Variants in MOB3B observed in about 807,000 individuals in gnomAD.
MOB3B encodes MOB kinase activator-like 2B.
Under a neutral mutation model 18.7 loss-of-function variants are expected in MOB3B, and 7 were observed. That is an observed-to-expected ratio of 0.37 (90% CI 0.21 to 0.70). The LOEUF (loss-of-function observed/expected upper bound fraction) is 0.70, where lower values mean the gene tolerates loss of function less well. Ranked by LOEUF, MOB3B falls within the 30% of genes least tolerant of loss-of-function variation. The pLI, the probability that MOB3B is intolerant of heterozygous loss-of-function variation, is 0.52. For synonymous variants in MOB3B, 111 were observed against 99.9 expected, an observed-to-expected ratio of 1.11 and a Z score of -0.66; for missense variants, 253 against 281.3, an observed-to-expected ratio of 0.90 and a Z score of 0.72.
In MOB3B at chr9:27,390,178, C is replaced by T. The variant is rs149690043; in HGVS notation, c.419-30942G>A. Among the ~76,000 whole-genome samples, 255 of 152,208 alleles carry T rather than the reference C, an allele frequency of 1.7e-3. 1 individual carries two copies. Among genetic ancestry groups the T allele is most frequent in the African/African-American group, 5.8e-3 (242 of 41,520 alleles). On this transcript the variant is annotated intron_variant, in intron 2 of 3. Transcript: ENST00000262244. The stretch of plus-strand genomic sequence containing the variant: ...CAGCAACCTCCGCCTACCTCCGCCT[C>T]CCAAGTTCAAGCGTTTCTCTTGCCT...
chr9:27,456,098 C>T (rs1049922327), intron 1 of MOB3B, among the ~76,000 whole-genome samples: 10 of 152,158 alleles, frequency 6.6e-5, no homozygotes, highest in African/African-American at 1.2e-4. Context: ...TAGAGCCCCA[C>T]CCCCCAACAA....
intron 2 of MOB3B, among the ~76,000 whole-genome samples, chr9:27,361,784 T>A (rs1420363746): frequency 6.6e-6 from 1 of 152,170 alleles, no homozygotes; most frequent in Admixed American, 6.5e-5. Flanking sequence ...GACTCCAAAG[T>A]CCACGAGCAC....
intron 1 of MOB3B, among the ~76,000 whole-genome samples, chr9:27,491,051 G>T (rs1819809515): frequency 6.6e-6 from 1 of 151,484 alleles, no homozygotes. Context: ...GATAATAATT[G>T]CAACAAACGG....
chr9:27,480,134 A>G (rs905503302), intron 1 of MOB3B, among the ~76,000 whole-genome samples: 1 of 150,608 alleles, frequency 6.6e-6, no homozygotes, highest in Non-Finnish European at 1.5e-5. Flanking sequence ...AGGAAATGGG[A>G]GAGAAGAAAT....
chr9:27,493,953 G>T (rs1388135905), intron 1 of MOB3B, among the ~76,000 whole-genome samples: 2 of 152,154 alleles, frequency 1.3e-5, no homozygotes, highest in African/African-American at 4.8e-5. Context: ...AAGCAAATGG[G>T]AGAAATATCG....
chr9:27,508,177 G>C (rs1483853074), intron 1 of MOB3B, among the ~76,000 whole-genome samples: 2 of 152,206 alleles, frequency 1.3e-5, no homozygotes, highest in Non-Finnish European at 2.9e-5. Flanking sequence ...AGTTCCTGAA[G>C]AAAGTATTCC....
chr9:27,474,404 C>T (rs918840699), intron 1 of MOB3B, among the ~76,000 whole-genome samples: 2 of 152,144 alleles, frequency 1.3e-5, no homozygotes, highest in African/African-American at 2.4e-5. Context: ...ACATCATGGG[C>T]CCAAACTGAC....
At chr9:27,426,465 A>G (rs6475997) in intron 2 of MOB3B, among the ~76,000 whole-genome samples, 89,916 of 152,036 alleles carry the variant, frequency 0.59, 27,193 homozygotes, top group African/African-American at 0.67. Flanking sequence ...GGCAAAGCTT[A>G]TGCACACAGA....
chr9:27,334,098 C>G (rs1386484416), intron 3 of MOB3B, among the ~76,000 whole-genome samples: 1 of 152,276 alleles, frequency 6.6e-6, no homozygotes, highest in East Asian at 1.9e-4. Context: ...TCATTTTTGC[C>G]TGAATCTGAG....
At chr9:27,365,470 G>C (rs1209159727) in intron 2 of MOB3B, among the ~76,000 whole-genome samples, 1 of 144,466 alleles carries the variant, frequency 6.9e-6, no homozygotes, top group Non-Finnish European at 1.5e-5. Flanking sequence ...GAAATAGATT[G>C]TATATCTTAA....
chr9:27,354,263 AC>A (rs1292047224), intron 3 of MOB3B, among the ~76,000 whole-genome samples: 5 of 152,240 alleles, frequency 3.3e-5, no homozygotes, highest in Non-Finnish European at 5.9e-5. Context: ...AGGGTGACCA[AC>A]CGTCCTAGTT....
At chr9:27,411,917 T>C (rs915988073) in intron 2 of MOB3B, among the ~76,000 whole-genome samples, 4 of 151,986 alleles carry the variant, frequency 2.6e-5, no homozygotes, top group Non-Finnish European at 5.9e-5. Flanking sequence ...ATAGGGGAAA[T>C]TGTGGGAGGA....
At chr9:27,490,568 T>C (rs1180196820) in intron 1 of MOB3B, among the ~76,000 whole-genome samples, 1 of 152,172 alleles carries the variant, frequency 6.6e-6, no homozygotes, top group South Asian at 2.1e-4. Flanking sequence ...GGAAACAGCA[T>C]GTGCAAAGAC....
chr9:27,386,669 C>A (rs1821653688), intron 2 of MOB3B, among the ~76,000 whole-genome samples: 1 of 152,182 alleles, frequency 6.6e-6, no homozygotes, highest in Non-Finnish European at 1.5e-5. Flanking sequence ...TTCTTGATGG[C>A]CCTTAAGGCT....
intron 2 of MOB3B, among the ~76,000 whole-genome samples, chr9:27,449,951 C>A (rs1822757471): frequency 6.7e-6 from 1 of 150,102 alleles, no homozygotes; most frequent in Non-Finnish European, 1.5e-5. Flanking sequence ...GCACTCCAGC[C>A]TGGGCAACAG....
chr9:27,424,579 G>A (rs993103032), intron 2 of MOB3B, among the ~76,000 whole-genome samples: 10 of 152,118 alleles, frequency 6.6e-5, no homozygotes, highest in Non-Finnish European at 1.5e-4. Context: ...AAGAACCACC[G>A]GGGGCCAATC....
At chr9:27,387,701 T>G (rs1821667385) in intron 2 of MOB3B, among the ~76,000 whole-genome samples, 1 of 152,176 alleles carries the variant, frequency 6.6e-6, no homozygotes. Flanking sequence ...AGGCCAGAGA[T>G]ATCCTCTTTA....
intron 1 of MOB3B, chr9:27,524,299 A>G: frequency 1.3e-6 from 2 of 1,589,544 alleles, no homozygotes; most frequent in Non-Finnish European, 8.6e-7. Context: ...CATCATTGTC[A>G]TATACACATC....
chr9:27,413,535 G>A (rs947785159), intron 2 of MOB3B, among the ~76,000 whole-genome samples: 1 of 152,200 alleles, frequency 6.6e-6, no homozygotes, highest in Non-Finnish European at 1.5e-5. Context: ...CATGTACGTG[G>A]CTAGATTTGT....
Sources: gnomAD v4.1 joint callset for allele counts (sites outside exome capture counted in the v4.1 genomes callset) on GRCh38, gnomAD v4.1.1 for gene constraint, MANE v1.5 for transcripts, NCBI Gene and HGNC (gene_info 2026-07-23, HGNC 2026-07-21) for gene names.